ELMO1: variants seen among roughly 807,000 people sequenced by gnomAD.
ELMO1 encodes the protein engulfment and cell motility protein 1.
ELMO1 carries 26 observed loss-of-function variants against 98.9 expected under a neutral mutation model. The observed-to-expected ratio is 0.26, with a 90% CI of 0.19 to 0.36. The LOEUF (loss-of-function observed/expected upper bound fraction) is 0.36, where lower values mean the gene tolerates loss of function less well. ELMO1 is among the 10% of genes least tolerant of loss of function. The probability of loss-of-function intolerance (pLI) is 1.00; values close to 1 mark genes in which losing one functional copy is unlikely to be tolerated. For missense variants in ELMO1, 627 were observed against 935.2 expected, an observed-to-expected ratio of 0.67 and a Z score of 4.30; for synonymous variants, 346 against 346.0, an observed-to-expected ratio of 1.00 and a Z score of 0.00.
chr7:37,293,421 C>G (rs1349376574), intron 4 of ELMO1, among the ~76,000 whole-genome samples: 9 of 81,110 alleles, frequency 1.1e-4, no homozygotes, highest in Admixed American at 4.3e-4. Context: ...GACCTTACCC[C>G]CAACCCTGTG....
At chr7:37,336,836 T>C (rs1800441112) in intron 2 of ELMO1, among the ~76,000 whole-genome samples, 1 of 152,000 alleles carries the variant, frequency 6.6e-6, no homozygotes. Context: ...CTGGTAACAT[T>C]TAAATAAGCC....
At chr7:37,321,993 G>A (rs1182266281) in intron 2 of ELMO1, among the ~76,000 whole-genome samples, 10 of 151,202 alleles carry the variant, frequency 6.6e-5, no homozygotes, top group African/African-American at 2.4e-4. Flanking sequence ...CCCAGTAGCT[G>A]GGACTACAGG....
At chr7:37,396,702 A>C (rs1193760863) in intron 1 of ELMO1, among the ~76,000 whole-genome samples, 1 of 152,236 alleles carries the variant, frequency 6.6e-6, no homozygotes, top group African/African-American at 2.4e-5. Context: ...ACCTACCCCT[A>C]GAGAATTGGA....
chr7:36,914,160 A>C (rs1411552499), intron 16 of ELMO1, among the ~76,000 whole-genome samples: 1 of 152,092 alleles, frequency 6.6e-6, no homozygotes, highest in Non-Finnish European at 1.5e-5. Context: ...ATGATATGAA[A>C]CCCTGCTTAC....
At chr7:37,016,842 G>A (rs1793969230) in intron 15 of ELMO1, among the ~76,000 whole-genome samples, 1 of 152,212 alleles carries the variant, frequency 6.6e-6, no homozygotes, top group Non-Finnish European at 1.5e-5. Flanking sequence ...TGGTTTGCAA[G>A]TGGTGGTGCT....
At chr7:37,353,419 G>C (rs894563217) in intron 1 of ELMO1, 1 of 164,766 alleles carries the variant, frequency 6.1e-6, no homozygotes, top group Non-Finnish European at 1.3e-5. Context: ...CACCGTTAGT[G>C]TTACAGCTCT....
intron 18 of ELMO1, among the ~76,000 whole-genome samples, chr7:36,881,654 C>A (rs913859393): frequency 1.3e-5 from 2 of 152,122 alleles, no homozygotes; most frequent in African/African-American, 4.8e-5. Flanking sequence ...CAATCTTTTT[C>A]TTGCGTGCGT....
At chr7:36,938,443 T>G (rs1344111187) in intron 16 of ELMO1, among the ~76,000 whole-genome samples, 1 of 152,170 alleles carries the variant, frequency 6.6e-6, no homozygotes, top group Non-Finnish European at 1.5e-5. Context: ...TTAAGAAAAC[T>G]GAAACTGGAA....
At chr7:37,150,593 A>G (rs1788293488) in intron 13 of ELMO1, among the ~76,000 whole-genome samples, 1 of 152,200 alleles carries the variant, frequency 6.6e-6, no homozygotes, top group African/African-American at 2.4e-5. Flanking sequence ...TCTCTATAGT[A>G]GTATATAGTC....
intron 13 of ELMO1, among the ~76,000 whole-genome samples, chr7:37,157,806 T>C (rs1262976571): frequency 6.6e-6 from 1 of 152,068 alleles, no homozygotes; most frequent in Non-Finnish European, 1.5e-5. Context: ...AAAAACTACT[T>C]TAAAGTTCAT....
At chr7:37,372,444 T>A (rs1249026956) in intron 1 of ELMO1, among the ~76,000 whole-genome samples, 1 of 152,082 alleles carries the variant, frequency 6.6e-6, no homozygotes, top group Admixed American at 6.5e-5. Context: ...TTACAATGAG[T>A]CCCTGGTATA....
chr7:36,857,565 G>C (rs925998153), intron 21 of ELMO1, among the ~76,000 whole-genome samples: 1 of 152,036 alleles, frequency 6.6e-6, no homozygotes, highest in Admixed American at 6.5e-5. Flanking sequence ...TCTGCAGCAC[G>C]TTTCTTTTTA....
At chr7:37,351,164 A>T (rs1005060062) in intron 1 of ELMO1, 3 of 152,268 alleles carry the variant, frequency 2.0e-5, no homozygotes, top group African/African-American at 7.2e-5. Flanking sequence ...AGCAGCATAT[A>T]TACTAAAACT....
chr7:37,171,567 AC>A (rs1366128269), intron 13 of ELMO1, among the ~76,000 whole-genome samples: 1 of 127,036 alleles, frequency 7.9e-6, no homozygotes, highest in Admixed American at 1.0e-4. Flanking sequence ...ATCTCGGCTC[AC>A]TGCAAGCTGA....
At chr7:37,367,827 C>T (rs1339712151) in intron 1 of ELMO1, among the ~76,000 whole-genome samples, 1 of 152,108 alleles carries the variant, frequency 6.6e-6, no homozygotes, top group African/African-American at 2.4e-5. Flanking sequence ...GCATATAAAG[C>T]AATCAGAAAA....
At chr7:37,135,006 T>C (rs927512927) in intron 13 of ELMO1, among the ~76,000 whole-genome samples, 5 of 152,254 alleles carry the variant, frequency 3.3e-5, no homozygotes, top group Non-Finnish European at 5.9e-5. Flanking sequence ...TCACCACTAT[T>C]CAGTGTATCC....
intron 4 of ELMO1, among the ~76,000 whole-genome samples, chr7:37,292,674 G>A (rs1460052295): frequency 2.0e-5 from 2 of 98,956 alleles, no homozygotes; most frequent in Non-Finnish European, 4.8e-5. Context: ...CCGCCCAGCA[G>A]CCACCCCGTC....
At chr7:37,055,364 C>T (rs926881879) in intron 15 of ELMO1, among the ~76,000 whole-genome samples, 4 of 152,186 alleles carry the variant, frequency 2.6e-5, no homozygotes, top group Non-Finnish European at 5.9e-5. Context: ...ACCTCAAATG[C>T]TTCATCTTTT....
intron 2 of ELMO1, among the ~76,000 whole-genome samples, chr7:37,321,229 T>C (rs969799886): frequency 6.6e-6 from 1 of 152,166 alleles, no homozygotes. Flanking sequence ...CATGAGCTCA[T>C]TGCCTGACCA....
Sources: allele counts gnomAD v4.1 joint callset (sites outside exome capture counted in the v4.1 genomes callset), GRCh38; gene constraint gnomAD v4.1.1; transcripts MANE v1.5; gene names NCBI Gene and HGNC (gene_info 2026-07-23, HGNC 2026-07-21).